Variants in KDM6A observed in about 807,000 individuals in gnomAD.
KDM6A encodes lysine-specific demethylase 6A.
Under a neutral mutation model 117.6 loss-of-function variants are expected in KDM6A, and 11 were observed. The observed-to-expected ratio is 0.09, with a 90% confidence interval of 0.06 to 0.15. The LOEUF (loss-of-function observed/expected upper bound fraction) is 0.15. Ranked by LOEUF, KDM6A falls within the 10% of genes least tolerant of loss-of-function variation. KDM6A has a pLI of 1.00. For synonymous variants in KDM6A, 384 were observed against 396.1 expected (o/e 0.97, Z 0.36); for missense variants, 799 against 1,077.3 (o/e 0.74, Z 3.62).
At chrX:45,061,727 A>T (rs1192815888) in intron 15 of KDM6A, among the ~76,000 whole-genome samples, 3 of 109,054 alleles carry the variant, frequency 2.8e-5, no homozygotes, top group Non-Finnish European at 5.7e-5. Context: ...CCTGACCTCA[A>T]GTGATCCACC....
At position 45,089,938 on chromosome X, in the gene KDM6A, A is replaced by G. The variant is rs372788319; in HGVS notation, c.3892+8A>G. 8.4e-7 allele frequency: 1 copy of G among 1,193,831 alleles called. No homozygotes were observed. The highest frequency in any genetic ancestry group is 1.1e-6 in the Non-Finnish European group (1 of 881,664). On this transcript the variant is annotated splice_region_variant and intron_variant, in intron 26 of 29. Transcript: ENST00000611820. ...ATGTTGGTCCACTTACAGGTATTAT[A>G]AAGAATATGCTTTAAAAAAGTTAAT...
rs139728011 is a variant in KDM6A at position 44,909,639 on chromosome X, T to C, written c.225+35652T>C. Among the ~76,000 whole-genome samples, 114 of 112,274 alleles carry C rather than the reference T, an allele frequency of 1.0e-3. 1 individual carries two copies. The East Asian group carries it at 0.028, about 28-fold the overall frequency. ...ATTAGTCATCTATACATTTCTGTAA[T>C]GTACTGTGAAATAAGAAGTAGGACA... On this transcript the variant is annotated intron_variant, in intron 2 of 29. Coordinates refer to ENST00000611820, the MANE Select transcript of KDM6A (RefSeq NM_001291415.2).
intron 6 of KDM6A, among the ~76,000 whole-genome samples, chrX:45,027,134 G>A (rs2147720226): frequency 9.3e-6 from 1 of 108,094 alleles, no homozygotes; most frequent in East Asian, 2.9e-4. Flanking sequence ...CATAGTGAGA[G>A]AGAGACACAC....
chrX:45,006,529 T>G (rs1274281777), intron 4 of KDM6A, among the ~76,000 whole-genome samples: 1 of 110,195 alleles, frequency 9.1e-6, no homozygotes, highest in Non-Finnish European at 1.9e-5. Flanking sequence ...ATTCCCCTCT[T>G]GGCTAGGGTT....
chrX:44,873,488 G>A lies in KDM6A; in HGVS notation c.-64G>A. The A allele has an allele frequency of 8.3e-7, 1 of 1,197,701 alleles. No individual in the cohort carries two copies. Among genetic ancestry groups the A allele is most frequent in the Non-Finnish European group, 1.1e-6 (1 of 885,019 alleles). The stretch of plus-strand genomic sequence containing the variant: ...CTGGTCCCGCGCGCAGATTGGGGGC[G>A]TCACTGCGGGCCCCGGTCCGAGGGG... On this transcript the variant is annotated 5_prime_UTR_variant, in exon 1 of 30. Coordinates refer to ENST00000611820, the MANE Select transcript of KDM6A (RefSeq NM_001291415.2).
At chrX:44,907,445 T>TTGTG (rs71867476) in intron 2 of KDM6A, among the ~76,000 whole-genome samples, 2,388 of 93,481 alleles carry the variant, frequency 0.026, 52 homozygotes, top group Middle Eastern at 0.071. Flanking sequence ...GCCCGGCTAA[T>TTGTG]TGTGTGTGTG....
chrX:45,072,795 A>G (rs1304441868), intron 18 of KDM6A, among the ~76,000 whole-genome samples: 1 of 109,817 alleles, frequency 9.1e-6, no homozygotes, highest in African/African-American at 3.3e-5. Flanking sequence ...TCCCCAAGTT[A>G]CAAACTGTGT....
intron 8 of KDM6A, 96 bp downstream of exon 8, chrX:45,037,785 A>G: frequency 1.4e-6 from 1 of 709,037 alleles, no homozygotes; most frequent in Non-Finnish European, 2.2e-6. Flanking sequence ...AGATAATTTA[A>G]TGGAGTTCTG....
At chrX:45,088,296 T>G in intron 25 of KDM6A, among the ~76,000 whole-genome samples, 1 of 112,640 alleles carries the variant, frequency 8.9e-6, no homozygotes, top group Non-Finnish European at 1.9e-5. Context: ...AGAGTAGCCT[T>G]GCATTTTTCA....
At chrX:44,883,857 C>T (rs751071690) in intron 2 of KDM6A, among the ~76,000 whole-genome samples, 7 of 110,890 alleles carry the variant, frequency 6.3e-5, no homozygotes, top group African/African-American at 2.0e-4. Flanking sequence ...AATCCCAGCA[C>T]TTTGGGAGGC....
At chrX:45,046,410 A>C (rs2043539996) in intron 8 of KDM6A, among the ~76,000 whole-genome samples, 1 of 111,857 alleles carries the variant, frequency 8.9e-6, no homozygotes, top group Non-Finnish European at 1.9e-5. Context: ...TACTATTTCC[A>C]TTAGTCCTTG....
chrX:45,091,048 G>A (rs183354198), intron 27 of KDM6A, among the ~76,000 whole-genome samples, 184 bp downstream of exon 27: 9 of 110,812 alleles, frequency 8.1e-5, no homozygotes, highest in Admixed American at 7.7e-4. Flanking sequence ...CTATGGTACA[G>A]AAAGGAAAAA....
chrX:45,051,540 T>C (rs754375318), intron 8 of KDM6A, among the ~76,000 whole-genome samples, 169 bp from the exon 9 acceptor site: 2 of 112,250 alleles, frequency 1.8e-5, no homozygotes, highest in South Asian at 7.3e-4. Flanking sequence ...ACAAGGCTTA[T>C]TACTCAACTG....
At chrX:44,925,749 A>G (rs1320148617) in intron 2 of KDM6A, among the ~76,000 whole-genome samples, 2 of 111,441 alleles carry the variant, frequency 1.8e-5, no homozygotes, top group African/African-American at 3.3e-5. Context: ...TTTTGAGGCC[A>G]TAGATTTAAT....
At chrX:44,895,639 A>G (rs2033784104) in intron 2 of KDM6A, among the ~76,000 whole-genome samples, 1 of 108,555 alleles carries the variant, frequency 9.2e-6, no homozygotes, top group African/African-American at 3.3e-5. Context: ...ATTTGGTGCT[A>G]TAAATTTACA....
intron 6 of KDM6A, among the ~76,000 whole-genome samples, chrX:45,030,848 C>T (rs1279007619): frequency 9.0e-6 from 1 of 110,826 alleles, no homozygotes; most frequent in East Asian, 2.8e-4. Flanking sequence ...GCATGTGCCA[C>T]CATACCCTGC....
chrX:45,082,015 G>T (rs2045431351), intron 21 of KDM6A, among the ~76,000 whole-genome samples: 2 of 110,000 alleles, frequency 1.8e-5, no homozygotes, highest in South Asian at 7.7e-4. Context: ...TCCTGACCTC[G>T]TGATCCCTCT....
chrX:45,068,406 T>G (rs905739197), intron 17 of KDM6A, among the ~76,000 whole-genome samples: 2 of 110,819 alleles, frequency 1.8e-5, no homozygotes, highest in African/African-American at 6.6e-5. Flanking sequence ...CCTCTAGTCT[T>G]AAAACTTCTA....
intron 2 of KDM6A, among the ~76,000 whole-genome samples, chrX:44,901,981 C>T (rs745858413): frequency 1.8e-5 from 2 of 112,483 alleles, no homozygotes; most frequent in South Asian, 7.3e-4. Context: ...AATCCCAGCA[C>T]TTTGGGAGGC....
Sources: allele counts gnomAD v4.1 joint callset (sites outside exome capture counted in the v4.1 genomes callset), GRCh38; gene constraint gnomAD v4.1.1; transcripts MANE v1.5; gene names NCBI Gene and HGNC (gene_info 2026-07-23, HGNC 2026-07-21).